GBX1: variants seen among roughly 807,000 people sequenced by gnomAD.
The protein encoded by GBX1 is gastrulation brain homeobox 1, also known as homeobox protein GBX-1.
Under a neutral mutation model 22.9 loss-of-function variants are expected in GBX1, and 9 were observed. The ratio of observed to expected loss-of-function variants is 0.39; its 90% confidence interval spans 0.24 to 0.69. The LOEUF (loss-of-function observed/expected upper bound fraction) is 0.69. Ranked by LOEUF, GBX1 falls within the 30% of genes least tolerant of loss-of-function variation. The pLI, the probability that GBX1 is intolerant of heterozygous loss-of-function variation, is 0.43. For missense variants in GBX1, 494 were observed against 509.2 expected (o/e 0.97, Z 0.29); for synonymous variants, 203 against 227.3 (o/e 0.89, Z 0.96).
chr7:151,152,754 C>T (rs1259999433), intron 1 of GBX1, among the ~76,000 whole-genome samples: 1 of 152,174 alleles, frequency 6.6e-6, no homozygotes, highest in Non-Finnish European at 1.5e-5. Flanking sequence ...CAGACAGATC[C>T]ATAAAATGAA....
At position 151,153,815 on chromosome 7, in the gene GBX1, G is replaced by A. The variant is rs1294749757; in HGVS notation, c.539-4673C>T. Among the ~76,000 whole-genome samples the A allele has an allele frequency of 2.6e-5, 4 of 151,840 alleles. No homozygotes were observed. In the East Asian group the frequency reaches 7.7e-4, roughly 29 times the overall value. On this transcript the variant is annotated intron_variant, in intron 1 of 1. Coordinates refer to ENST00000297537, the MANE Select transcript of GBX1 (RefSeq NM_001098834.3). ...TGGACTCAAGCAAACCTCCCACCTC[G>A]GCTTCCCAAAGTGCTGGGATTACAG...
chr7:151,155,477 A>T (rs908716095), intron 1 of GBX1, among the ~76,000 whole-genome samples: 1 of 152,140 alleles, frequency 6.6e-6, no homozygotes, highest in Admixed American at 6.5e-5. Context: ...CATGAATTTC[A>T]TGCTTCCATT....
Position 151,148,365 on chromosome 7 carries a change from A to C in GBX1, c.*224T>G, listed in dbSNP as rs988091954. ...AGAACCCCAGCCCCTTTAACCTTGAAGCCCCTAGTCCTGAAGTTCTCTGGA... is the reference window on the plus strand; with the variant it reads ...AGAACCCCAGCCCCTTTAACCTTGACGCCCCTAGTCCTGAAGTTCTCTGGA... On this transcript the variant is annotated 3_prime_UTR_variant, in exon 2 of 2. Transcript: ENST00000297537. This position sits in a 1 kb window ranked among gnomAD's most constrained non-coding sequence, Gnocchi z 5.1. Among the ~76,000 whole-genome samples the C allele has an allele frequency of 7.9e-5, 12 of 152,136 alleles. No homozygotes were observed. The highest frequency in any genetic ancestry group is 2.9e-4 in the African/African-American group (12 of 41,414).
At chr7:151,149,170 G>C in intron 1 of GBX1, 28 bp from the exon 2 acceptor site, 1 of 1,574,882 alleles carries the variant, frequency 6.3e-7, no homozygotes, top group South Asian at 1.1e-5. Context: ...CCAATGGATG[G>C]GGAGGGAGAA....
In GBX1 at chr7:151,167,241, G is replaced by C. The variant is rs1213704351; in HGVS notation, c.308C>G (p.Thr103Ser). The C allele has an allele frequency of 5.8e-6, 9 of 1,552,240 alleles. No individual in the cohort carries two copies. The highest frequency in any genetic ancestry group is 7.8e-6 in the Non-Finnish European group (9 of 1,151,070). The change falls in exon 1 of 2, where the codon ACC becomes AGC. Residue 103 changes from threonine to serine, a missense_variant. By Grantham distance (58) the Thr-to-Ser change is moderately conservative. Around this residue, in one of 3 missense-constraint regions of GBX1, gnomAD observed 365 missense variants for 340.4 expected, o/e 1.07. Coordinates refer to ENST00000297537, the MANE Select transcript of GBX1 (RefSeq NM_001098834.3). The surrounding 1 kb of genome is among the most constrained non-coding windows in gnomAD (Gnocchi z 5.9). ...QAVPSMVALT[T>S]ALPSFAEPPD... is the part of the protein sequence containing the mutation. ...CGGCTCCGCGAAGCTGGGCAGCGCG[G>C]TGGTCAGCGCCACCATCGAGGGCAC...
In GBX1 at chr7:151,164,972, TACAC is replaced by T. The variant is rs530467945; in HGVS notation, c.538+2035_538+2038del. Among the ~76,000 whole-genome samples the T allele has an allele frequency of 6.0e-5, 9 of 150,656 alleles. No homozygotes were observed. The East Asian group carries it at 7.8e-4, about 13-fold the overall frequency. ...CCAAATCCTCTCATGACAGAACTCTTACACACACACACACAAACACACACACACA... is the reference window on the plus strand; with the variant it reads ...CCAAATCCTCTCATGACAGAACTCTTACACACACACAAACACACACACACA... On this transcript the variant is annotated intron_variant, in intron 1 of 1. Coordinates refer to ENST00000297537, the MANE Select transcript of GBX1 (RefSeq NM_001098834.3).
In GBX1 at chr7:151,167,434, C is replaced by G. The variant is rs1183978866; in HGVS notation, c.115G>C (p.Gly39Arg). 25 of 1,510,422 alleles carry G rather than the reference C, an allele frequency of 1.7e-5. No individual in the cohort carries two copies. The highest frequency in any genetic ancestry group is 2.1e-5 in the Non-Finnish European group (24 of 1,131,930). The allele number at this position is 1,510,422 out of a possible 1,614,324, so 93.6% of individuals were successfully genotyped here. ...GGGTAGCCGGTGTACAGCAAGTGGC[C>G]GGAGCGCGGCGGCGGCGGCCCGATT... is the stretch of plus-strand genomic sequence containing the variant. Reference protein sequence around the residue: ...SLIGPPPPRSGHLLYTGYPMF... With the variant: ...SLIGPPPPRSRHLLYTGYPMF... The change falls in exon 1 of 2, where the codon GGC becomes CGC. Residue 39 changes from glycine to arginine, a missense_variant. By Grantham distance (125) the Gly-to-Arg change is moderately radical. This residue lies in a region of GBX1 where 365 missense variants were observed against 340.4 expected (regional missense o/e 1.07). Transcript: ENST00000297537. The surrounding 1 kb of genome is among the most constrained non-coding windows in gnomAD (Gnocchi z 5.9).
chr7:151,158,157 G>A (rs1430624), intron 1 of GBX1, among the ~76,000 whole-genome samples: 70,232 of 152,026 alleles, frequency 0.46, 17,807 homozygotes, highest in African/African-American at 0.68. Context: ...TTCTGACTAA[G>A]TACGATGCTG....
chr7:151,167,205 A>G lies in GBX1; in HGVS notation c.344T>C (p.Phe115Ser), dbSNP rs773741687. ...GGCGGCGAGCTCCTGGGGCCCGTAG[A>G]AAGCGTCGGGCGGCTCCGCGAAGCT... ...LPSFAEPPDA[F>S]YGPQELAAAA... The change falls in exon 1 of 2, where the codon TTC (phenylalanine) becomes TCC (serine). Residue 115 changes from phenylalanine (F) to serine (S), a missense_variant. Transcript: ENST00000297537. This position sits in a 1 kb window ranked among gnomAD's most constrained non-coding sequence, Gnocchi z 5.9. The G allele has an allele frequency of 7.7e-6, 12 of 1,565,806 alleles. No homozygotes were observed. The highest frequency in any genetic ancestry group is 1.9e-5 in the Admixed American group (1 of 52,644).
Position 151,148,546 on chromosome 7 carries a change from T to C in GBX1, c.*43A>G. On this transcript the variant is annotated 3_prime_UTR_variant, in exon 2 of 2. Transcript: ENST00000297537. This position sits in a 1 kb window ranked among gnomAD's most constrained non-coding sequence, Gnocchi z 5.1. Reference sequence around the variant, plus strand: ...GAACCCTGACAGTCTCAGAGCAGGCTCAGGTACAGATCCCTCGCCTTCCTA... The same window carrying C: ...GAACCCTGACAGTCTCAGAGCAGGCCCAGGTACAGATCCCTCGCCTTCCTA... 6.4e-7 allele frequency: 1 copy of C among 1,567,356 alleles called. No homozygotes were observed. Among genetic ancestry groups the C allele is most frequent in the Non-Finnish European group, 8.7e-7 (1 of 1,147,342 alleles).
rs1801042132 is a variant in GBX1, at chr7:151,148,702, G to A, written c.979C>T (p.Arg327Cys). ...GGGTTTCTTACGGGCTCCCCAGAAC[G>A]GCTGCTCACATTGCCAGCTTTGATG... is the stretch of plus-strand genomic sequence containing the variant. ...KRIKAGNVSS[R>C]SGEPVRNPKI... is the part of the protein sequence containing the mutation. The change falls in exon 2 of 2, where the codon CGT becomes TGT. Residue 327 changes from arginine (R) to cysteine (C), a missense_variant. Coordinates refer to ENST00000297537, the MANE Select transcript of GBX1 (RefSeq NM_001098834.3). The surrounding 1 kb of genome is among the most constrained non-coding windows in gnomAD (Gnocchi z 5.1). 8 of 1,614,040 alleles carry A rather than the reference G, an allele frequency of 5.0e-6. No individual in the cohort carries two copies. The highest frequency in any genetic ancestry group is 2.7e-5 in the African/African-American group (2 of 74,988).
chr7:151,150,417 C>T (rs1366130327), intron 1 of GBX1, among the ~76,000 whole-genome samples: 1 of 152,206 alleles, frequency 6.6e-6, no homozygotes, highest in Non-Finnish European at 1.5e-5. Flanking sequence ...GGCAGGAGGC[C>T]TGCATACCTA....
chr7:151,166,941 G>C (rs1801258987), intron 1 of GBX1, 70 bp downstream of exon 1: 1 of 1,514,656 alleles, frequency 6.6e-7, no homozygotes, highest in South Asian at 1.1e-5. Context: ...CCGAGGTTCC[G>C]AGCAGGTTCC....
At chr7:151,151,298 C>A (rs1801077026) in intron 1 of GBX1, among the ~76,000 whole-genome samples, 1 of 152,198 alleles carries the variant, frequency 6.6e-6, no homozygotes, top group Admixed American at 6.5e-5. Context: ...TGGCGCCCAG[C>A]ATCAAGACCC....
intron 1 of GBX1, among the ~76,000 whole-genome samples, chr7:151,160,425 A>G (rs1801177899): frequency 6.6e-6 from 1 of 152,176 alleles, no homozygotes; most frequent in African/African-American, 2.4e-5. Flanking sequence ...CATCTTCTCC[A>G]TAATTCAGTC....
rs182336424 is a variant in GBX1, at chr7:151,159,028, C to T, written c.538+7983G>A. On this transcript the variant is annotated intron_variant, in intron 1 of 1. Coordinates refer to ENST00000297537, the MANE Select transcript of GBX1 (RefSeq NM_001098834.3). ...CTTTCCTGACCAAAGCCCATGCTTGCTCCTTTGCACTACACCTCATCTCTT... is the reference window on the plus strand; with the variant it reads ...CTTTCCTGACCAAAGCCCATGCTTGTTCCTTTGCACTACACCTCATCTCTT... Among the ~76,000 whole-genome samples, 287 of 152,178 alleles carry T rather than the reference C, an allele frequency of 1.9e-3. 1 individual carries two copies. Among genetic ancestry groups the T allele is most frequent in the African/African-American group, 6.8e-3 (283 of 41,492 alleles).
intron 1 of GBX1, among the ~76,000 whole-genome samples, chr7:151,166,337 C>T (rs558009381): frequency 6.6e-6 from 1 of 152,252 alleles, no homozygotes; most frequent in South Asian, 2.1e-4. Context: ...CCTTTAGCCT[C>T]TCTCTTGGTC....
At chr7:151,159,055 G>A (rs1485414864) in intron 1 of GBX1, among the ~76,000 whole-genome samples, 1 of 149,920 alleles carries the variant, frequency 6.7e-6, no homozygotes, top group Admixed American at 6.7e-5. Context: ...TCATCTCTTT[G>A]TTAACATTTA....
chr7:151,153,585 T>A (rs1297376323), intron 1 of GBX1, among the ~76,000 whole-genome samples: 1 of 151,658 alleles, frequency 6.6e-6, no homozygotes, highest in African/African-American at 2.4e-5. Context: ...GCTCGCTCTG[T>A]CACCCAGACT....
Sources: gnomAD v4.1 joint callset for allele counts (sites outside exome capture counted in the v4.1 genomes callset) on GRCh38, gnomAD v4.1.1 for gene constraint, gnomAD v4.1.1 regional missense constraint, Gnocchi (gnomAD v3.1) non-coding constraint, MANE v1.5 for transcripts, NCBI Gene and HGNC (gene_info 2026-07-23, HGNC 2026-07-21) for gene names.